TDRD9: variants seen among roughly 807,000 people sequenced by gnomAD.
TDRD9 encodes the protein tudor domain containing 9.
In TDRD9, 124 loss-of-function variants were observed where a neutral mutation model predicts 172.6. The ratio of observed to expected loss-of-function variants is 0.72; its 90% confidence interval spans 0.62 to 0.83. The LOEUF is 0.83. Ranked by LOEUF, TDRD9 falls within the 40% of genes least tolerant of loss-of-function variation. The pLI, the probability that TDRD9 is intolerant of heterozygous loss-of-function variation, is 0.00. For missense variants in TDRD9, 1,479 were observed against 1,714.1 expected, an observed-to-expected ratio of 0.86 and a Z score of 2.42; for synonymous variants, 619 against 617.1, an observed-to-expected ratio of 1.00 and a Z score of -0.05.
At chr14:104,040,970 A>AT (rs2035596203) in intron 33 of TDRD9, among the ~76,000 whole-genome samples, 1 of 152,240 alleles carries the variant, frequency 6.6e-6, no homozygotes, top group Non-Finnish European at 1.5e-5. Context: ...TTTTTATTGC[A>AT]TTTTACAAAG....
At chr14:103,986,825 T>A (rs61248168) in intron 8 of TDRD9, among the ~76,000 whole-genome samples, 51,474 of 152,090 alleles carry the variant, frequency 0.34, 8,910 homozygotes, top group Middle Eastern at 0.37. Flanking sequence ...TTTATAATTT[T>A]AAAAATATGG....
chr14:104,019,164 A>G (rs2034878224), intron 23 of TDRD9, among the ~76,000 whole-genome samples: 1 of 152,224 alleles, frequency 6.6e-6, no homozygotes. Flanking sequence ...ACACAGCTAA[A>G]CTCATTCCTG....
chr14:104,037,553 C>T (rs2035488596), intron 32 of TDRD9, among the ~76,000 whole-genome samples: 1 of 152,188 alleles, frequency 6.6e-6, no homozygotes, highest in Non-Finnish European at 1.5e-5. Context: ...GGAAGATGAG[C>T]AGAAAACTTA....
At chr14:103,986,838 G>A (rs2033676854) in intron 8 of TDRD9, among the ~76,000 whole-genome samples, 1 of 152,096 alleles carries the variant, frequency 6.6e-6, no homozygotes, top group Non-Finnish European at 1.5e-5. Context: ...AAATATGGCT[G>A]GGCGCGGTGG....
chr14:103,962,806 T>C (rs868341002), intron 2 of TDRD9, among the ~76,000 whole-genome samples: 3 of 152,210 alleles, frequency 2.0e-5, no homozygotes, highest in Non-Finnish European at 1.5e-5. Context: ...GCAAAGGACA[T>C]GATTTCATTC....
At chr14:104,035,849 G>C (rs1403711894) in intron 32 of TDRD9, among the ~76,000 whole-genome samples, 5 of 152,044 alleles carry the variant, frequency 3.3e-5, no homozygotes, top group African/African-American at 9.7e-5. Flanking sequence ...GTCAGCTGGT[G>C]AGCATGGAGG....
chr14:104,042,040 T>G, intron 33 of TDRD9, 29 bp from the exon 34 acceptor site: 42 of 1,352,558 alleles, frequency 3.1e-5, no homozygotes, highest in East Asian at 4.6e-5. Context: ...CGGAGCCTTA[T>G]GAGTGTTTAT....
At position 103,991,823 on chromosome 14, in the gene TDRD9, T is replaced by C. The variant is rs2033881593; in HGVS notation, c.1180+599T>C. ...CCCAGGCAGGGGTACAGTGGCAAAA[T>C]CTTAGCTCACTGCAACCTCTGCCTC... On this transcript the variant is annotated intron_variant, in intron 9 of 35. Coordinates refer to ENST00000409874, the MANE Select transcript of TDRD9 (RefSeq NM_153046.3). 2.6e-5 allele frequency among the ~76,000 whole-genome samples: 4 copies of C among 151,474 alleles called. No homozygotes were observed. In the South Asian group the frequency reaches 8.4e-4, roughly 32 times the overall value.
chr14:103,939,964 T>C (rs1001416370), intron 1 of TDRD9: 1 of 151,632 alleles, frequency 6.6e-6, no homozygotes, highest in Non-Finnish European at 1.5e-5. Context: ...AGAAAACCAG[T>C]AAATCTTCAA....
chr14:103,970,152 G>C (rs945783171), intron 5 of TDRD9, among the ~76,000 whole-genome samples: 8 of 152,304 alleles, frequency 5.3e-5, no homozygotes, highest in Admixed American at 1.3e-4. Flanking sequence ...CTGCAGGCCT[G>C]GCAGGGGTTG....
intron 32 of TDRD9, among the ~76,000 whole-genome samples, chr14:104,038,641 G>T (rs1412122601): frequency 6.6e-6 from 1 of 152,144 alleles, no homozygotes; most frequent in Non-Finnish European, 1.5e-5. Context: ...TGGTGCTGAG[G>T]GTCCTGAGAA....
intron 33 of TDRD9, among the ~76,000 whole-genome samples, chr14:104,040,838 G>A (rs1485327859): frequency 6.6e-6 from 1 of 152,232 alleles, no homozygotes; most frequent in Admixed American, 6.5e-5. Flanking sequence ...AGGTGGCAAG[G>A]CAGACAGGGA....
intron 1 of TDRD9, among the ~76,000 whole-genome samples, chr14:103,950,527 A>T (rs2031817684): frequency 6.6e-6 from 1 of 152,220 alleles, no homozygotes; most frequent in South Asian, 2.1e-4. Context: ...TAATCTTCTT[A>T]TGAAGAACAC....
Position 104,034,945 on chromosome 14 carries a change from G to A in TDRD9, c.3620-15G>A, listed in dbSNP as rs2035405490. 1 of 1,547,790 alleles carries A rather than the reference G, an allele frequency of 6.5e-7. No homozygotes were observed. Among genetic ancestry groups the A allele is most frequent in the East Asian group, 2.4e-5 (1 of 40,870 alleles). ...TGAGTTAATGCCCGATGTTGATTTA[G>A]CATGACTTGAACAGGATCTACGATG... On this transcript the variant is annotated splice_polypyrimidine_tract_variant and intron_variant, in intron 31 of 35. Transcript: ENST00000409874.
At chr14:103,981,271 CTAAT>C (rs1040814399) in intron 7 of TDRD9, among the ~76,000 whole-genome samples, 1 of 152,100 alleles carries the variant, frequency 6.6e-6, no homozygotes, top group African/African-American at 2.4e-5. Context: ...TGGCTGAAGT[CTAAT>C]TAATTCCTAT....
At chr14:103,964,672 G>A (rs57827261) in intron 3 of TDRD9, among the ~76,000 whole-genome samples, 5,508 of 152,100 alleles carry the variant, frequency 0.036, 158 homozygotes, top group African/African-American at 0.077. Flanking sequence ...GACTACAGGC[G>A]CGCTACCATG....
chr14:103,979,947 C>A (rs1389945240), intron 7 of TDRD9, among the ~76,000 whole-genome samples: 6 of 151,166 alleles, frequency 4.0e-5, no homozygotes, highest in Non-Finnish European at 8.8e-5. Context: ...GCGATCATAG[C>A]TCACTGTAAC....
intron 34 of TDRD9, among the ~76,000 whole-genome samples, chr14:104,045,144 GA>G (rs143411044): frequency 0.34 from 48,190 of 140,340 alleles, 7,827 homozygotes; most frequent in Middle Eastern, 0.38. Context: ...ACTCTATCAG[GA>G]AAAAAAAAAA....
chr14:104,032,044 T>A lies in TDRD9; in HGVS notation c.3466T>A (p.Tyr1156Asn), dbSNP rs1311768075. The change falls in exon 30 of 36, where the codon TAT (tyrosine) becomes AAT (asparagine). Residue 1156 changes from tyrosine to asparagine, a missense_variant. Tyr to Asn is a moderately radical substitution (Grantham distance 143). Coordinates refer to ENST00000409874, the MANE Select transcript of TDRD9 (RefSeq NM_153046.3). ...KAELHGPFNPYELKCHSLTRI... is the reference protein window; with the variant it reads ...KAELHGPFNPNELKCHSLTRI... ...AGAACTTCACGGGCCTTTTAACCCT[T>A]ATGAACTAAAGTGCCATAGTTTGAC... is the stretch of plus-strand genomic sequence containing the variant. The A allele has an allele frequency of 6.5e-7, 1 of 1,549,570 alleles. No homozygotes were observed. Among genetic ancestry groups the A allele is most frequent in the East Asian group, 2.4e-5 (1 of 40,880 alleles).
Sources: gnomAD v4.1 joint callset for allele counts (sites outside exome capture counted in the v4.1 genomes callset) on GRCh38, gnomAD v4.1.1 for gene constraint, MANE v1.5 for transcripts, NCBI Gene and HGNC (gene_info 2026-07-23, HGNC 2026-07-21) for gene names.